The following STK3 variants were observed in gnomAD, a reference collection of about 807,000 sequenced individuals.
STK3 encodes the protein serine/threonine kinase 3, also known as serine/threonine-protein kinase 3.
Under a neutral mutation model 58.0 loss-of-function variants are expected in STK3, and 41 were observed. The observed-to-expected ratio is 0.71, with a 90% CI of 0.55 to 0.92. The LOEUF is 0.92. Ranked by LOEUF, STK3 falls within the 40% of genes least tolerant of loss-of-function variation. The pLI is 0.00. For missense variants in STK3, 479 were observed against 602.7 expected, an observed-to-expected ratio of 0.79 and a Z score of 2.15; for synonymous variants, 170 against 191.0, an observed-to-expected ratio of 0.89 and a Z score of 0.91.
chr8:98,557,337 C>G (rs114721845), intron 8 of STK3, among the ~76,000 whole-genome samples: 2 of 152,080 alleles, frequency 1.3e-5, no homozygotes, highest in African/African-American at 2.4e-5. Context: ...ACTAAAAACA[C>G]TCTTTCCTAT....
At chr8:98,749,557 T>C (rs1388247709) in intron 3 of STK3, among the ~76,000 whole-genome samples, 167 bp from the exon 4 acceptor site, 4 of 152,098 alleles carry the variant, frequency 2.6e-5, no homozygotes, top group Non-Finnish European at 4.4e-5. Flanking sequence ...CAACTATGCA[T>C]AATTAGGCTT....
intron 1 of STK3, among the ~76,000 whole-genome samples, chr8:98,893,064 A>ATTGCTTAGATAGGGGTCCT (rs1838255759): frequency 2.0e-5 from 3 of 152,108 alleles, no homozygotes; most frequent in Admixed American, 6.6e-5. Flanking sequence ...TTCTATTGGG[A>ATTGCTTAGATAGGGGTCCT]TTGCTTAGAT....
intron 3 of STK3, among the ~76,000 whole-genome samples, chr8:98,876,958 A>G (rs1392525316): frequency 6.6e-6 from 1 of 152,248 alleles, no homozygotes; most frequent in Non-Finnish European, 1.5e-5. Context: ...GAAAAGATAA[A>G]GAAAATTTTG....
chr8:98,347,431 C>T, the STK3 span, among the ~76,000 whole-genome samples: 985 of 151,556 alleles, frequency 6.5e-3, 31 homozygotes, highest in African/African-American at 0.023. Flanking sequence ...AGGAGAATGG[C>T]GTGAACCCAG....
At chr8:98,376,173 T>G (rs1817672544) in intron 2 of STK3, among the ~76,000 whole-genome samples, 1 of 152,248 alleles carries the variant, frequency 6.6e-6, no homozygotes, top group Non-Finnish European at 1.5e-5. Flanking sequence ...TAATGGCTAA[T>G]TTTATCAAGC....
At chr8:98,478,111 G>A (rs888398587) in intron 10 of STK3, among the ~76,000 whole-genome samples, 2 of 152,124 alleles carry the variant, frequency 1.3e-5, no homozygotes, top group Non-Finnish European at 2.9e-5. Flanking sequence ...TGCTCTTTGT[G>A]AACATGACTC....
intron 6 of STK3, among the ~76,000 whole-genome samples, chr8:98,600,604 G>T (rs553791769): frequency 2.0e-5 from 3 of 152,106 alleles, no homozygotes; most frequent in Non-Finnish European, 4.4e-5. Flanking sequence ...GATTTCTGCT[G>T]CACATAATTT....
intron 3 of STK3, among the ~76,000 whole-genome samples, chr8:98,762,533 C>T (rs944538979): frequency 2.0e-5 from 3 of 152,222 alleles, no homozygotes; most frequent in Non-Finnish European, 2.9e-5. Context: ...GGATTACAGG[C>T]GTGAGCCATG....
chr8:98,392,331 C>T (rs1430593966), upstream of STK3, among the ~76,000 whole-genome samples: 3 of 152,142 alleles, frequency 2.0e-5, no homozygotes, highest in African/African-American at 7.2e-5. Flanking sequence ...TGCTTCTACA[C>T]CTCTTTCCAT....
chr8:98,905,428 C>G (rs1289668606), intron 1 of STK3: 6 of 1,297,952 alleles, frequency 4.6e-6, no homozygotes, highest in Middle Eastern at 1.8e-4. Flanking sequence ...ATGTTACCCA[C>G]GTGTAACTTG....
intron 10 of STK3, among the ~76,000 whole-genome samples, chr8:98,492,047 C>T (rs1362674216): frequency 1.3e-5 from 2 of 152,080 alleles, no homozygotes; most frequent in African/African-American, 2.4e-5. Flanking sequence ...AAGACAGAAA[C>T]ATCATATTTT....
At chr8:98,597,808 C>G (rs1410824772) in intron 6 of STK3, 1 of 983,206 alleles carries the variant, frequency 1.0e-6, no homozygotes, top group Non-Finnish European at 1.2e-6. Context: ...CCAGAGCTCA[C>G]AGTCAACTTG....
At chr8:98,936,549 G>T (rs1360574939) in intron 1 of STK3, among the ~76,000 whole-genome samples, 1 of 152,186 alleles carries the variant, frequency 6.6e-6, no homozygotes, top group East Asian at 1.9e-4. Flanking sequence ...ACAAACCAAT[G>T]CCCTTAATAT....
At chr8:98,792,613 A>C (rs1832876851) in intron 1 of STK3, among the ~76,000 whole-genome samples, 2 of 152,288 alleles carry the variant, frequency 1.3e-5, no homozygotes, top group East Asian at 3.9e-4. Flanking sequence ...GGCAGGAGAA[A>C]TCACTTTAAC....
At chr8:98,382,198 C>A (rs1247357621) in intron 1 of STK3, among the ~76,000 whole-genome samples, 1 of 152,122 alleles carries the variant, frequency 6.6e-6, no homozygotes. Context: ...AGCAGGCTGG[C>A]CTTCTGCGTC....
At chr8:98,929,308 G>A (rs1206162093) in intron 1 of STK3, among the ~76,000 whole-genome samples, 1 of 152,066 alleles carries the variant, frequency 6.6e-6, no homozygotes, top group Admixed American at 6.6e-5. Context: ...GAGAAACTAA[G>A]GCAAATGAAT....
At chr8:98,772,451 C>T (rs1394762976) in intron 2 of STK3, among the ~76,000 whole-genome samples, 5 of 152,084 alleles carry the variant, frequency 3.3e-5, no homozygotes, top group Non-Finnish European at 5.9e-5. Flanking sequence ...GTCATCCCAA[C>T]ACTTTGGGAG....
intron 10 of STK3, among the ~76,000 whole-genome samples, chr8:98,477,064 G>T (rs1427637880): frequency 6.6e-6 from 1 of 152,216 alleles, no homozygotes; most frequent in Non-Finnish European, 1.5e-5. Context: ...AGGACGGGAA[G>T]CTGAGACCGA....
intron 3 of STK3, among the ~76,000 whole-genome samples, chr8:98,858,044 C>A (rs1360425132): frequency 6.6e-6 from 1 of 151,602 alleles, no homozygotes; most frequent in African/African-American, 2.4e-5. Context: ...GCTGGATGTG[C>A]AAATGGACAA....
Sources: allele counts gnomAD v4.1 joint callset (sites outside exome capture counted in the v4.1 genomes callset), GRCh38; gene constraint gnomAD v4.1.1; transcripts MANE v1.5; gene names NCBI Gene and HGNC (gene_info 2026-07-23, HGNC 2026-07-21).